Variants in PDE4D observed in about 807,000 individuals in gnomAD.
The protein encoded by PDE4D is phosphodiesterase 4D.
PDE4D carries 24 observed loss-of-function variants against 87.4 expected under a neutral mutation model. The ratio of observed to expected loss-of-function variants is 0.27; its 90% CI spans 0.20 to 0.39. PDE4D has a LOEUF of 0.39. Ranked by LOEUF, PDE4D falls within the 10% of genes least tolerant of loss-of-function variation. The probability of loss-of-function intolerance (pLI) is 1.00; values close to 1 mark genes in which losing one functional copy is unlikely to be tolerated. For synonymous variants in PDE4D, 384 were observed against 383.2 expected, an observed-to-expected ratio of 1.00 and a Z score of -0.02; for missense variants, 714 against 1,041.0, an observed-to-expected ratio of 0.69 and a Z score of 4.32.
intron 1 of PDE4D, among the ~76,000 whole-genome samples, chr5:59,589,283 T>C (rs1167849562): frequency 6.6e-6 from 1 of 152,206 alleles, no homozygotes; most frequent in Non-Finnish European, 1.5e-5. Flanking sequence ...TAAAATATTA[T>C]TGTTATATGT....
intron 2 of PDE4D, among the ~76,000 whole-genome samples, chr5:60,162,410 C>T (rs1782539357): frequency 6.6e-6 from 1 of 152,180 alleles, no homozygotes; most frequent in South Asian, 2.1e-4. Context: ...CTCTAAGGAC[C>T]TATTTAAAAC....
intron 1 of PDE4D, among the ~76,000 whole-genome samples, chr5:60,461,052 T>C (rs983747800): frequency 6.6e-6 from 1 of 152,182 alleles, no homozygotes; most frequent in African/African-American, 2.4e-5. Flanking sequence ...TAATTTATTA[T>C]ATAATAGTTA....
intron 1 of PDE4D, among the ~76,000 whole-genome samples, chr5:59,783,360 A>C (rs1764813992): frequency 6.6e-6 from 1 of 152,212 alleles, no homozygotes; most frequent in Non-Finnish European, 1.5e-5. Flanking sequence ...GAGCCATCCC[A>C]GGTTGAGGTG....
intron 1 of PDE4D, among the ~76,000 whole-genome samples, chr5:59,605,507 C>A (rs1828081588): frequency 6.6e-6 from 1 of 152,046 alleles, no homozygotes; most frequent in Non-Finnish European, 1.5e-5. Context: ...TGCTTTGCTG[C>A]CAGACTTTCT....
At chr5:59,605,351 T>G (rs1828050886) in intron 1 of PDE4D, among the ~76,000 whole-genome samples, 2 of 152,118 alleles carry the variant, frequency 1.3e-5, no homozygotes. Flanking sequence ...ATTTCTTATT[T>G]GTATTTCAGA....
intron 2 of PDE4D, among the ~76,000 whole-genome samples, chr5:60,171,375 C>A (rs982172485): frequency 1.3e-5 from 2 of 151,926 alleles, no homozygotes; most frequent in Non-Finnish European, 2.9e-5. Flanking sequence ...GGCTGTTGTG[C>A]GTTTTCAGAA....
chr5:60,075,628 C>T (rs115728321), intron 2 of PDE4D, among the ~76,000 whole-genome samples: 1,990 of 152,284 alleles, frequency 0.013, 38 homozygotes, highest in African/African-American at 0.046. Flanking sequence ...TTCTCTCCAT[C>T]TCTTTCAGGG....
At chr5:60,026,627 C>T (rs994507257) in intron 2 of PDE4D, among the ~76,000 whole-genome samples, 9 of 152,252 alleles carry the variant, frequency 5.9e-5, no homozygotes, top group African/African-American at 1.9e-4. Context: ...TTGCTCATCA[C>T]TTTCAACACC....
At chr5:59,108,360 A>G (rs1771982505) in intron 5 of PDE4D, among the ~76,000 whole-genome samples, 1 of 152,188 alleles carries the variant, frequency 6.6e-6, no homozygotes, top group Admixed American at 6.5e-5. Flanking sequence ...ATAAAAGTAA[A>G]TAACCATCAA....
intron 1 of PDE4D, among the ~76,000 whole-genome samples, chr5:59,664,929 CA>C (rs1295723876): frequency 1.3e-5 from 2 of 152,090 alleles, no homozygotes; most frequent in Non-Finnish European, 2.9e-5. Flanking sequence ...CATCTATCTC[CA>C]AAAAGAATGT....
At chr5:60,265,001 T>C (rs73759031) in intron 1 of PDE4D, among the ~76,000 whole-genome samples, 5,772 of 152,290 alleles carry the variant, frequency 0.038, 130 homozygotes, top group South Asian at 0.096. Context: ...CTTTGTAGTG[T>C]ATTACACGAG....
chr5:59,024,200 C>CTTTTTTT (rs566593585), intron 6 of PDE4D, among the ~76,000 whole-genome samples: 2 of 114,858 alleles, frequency 1.7e-5, no homozygotes. Context: ...CTGAATTCTA[C>CTTTTTTT]TTTTTTTTTT....
intron 1 of PDE4D, among the ~76,000 whole-genome samples, chr5:59,469,803 T>C (rs1330593026): frequency 6.6e-6 from 1 of 152,160 alleles, no homozygotes; most frequent in Non-Finnish European, 1.5e-5. Context: ...CACGTGCTGA[T>C]AGCAGCAGCT....
chr5:60,434,284 G>C (rs1304435464), intron 1 of PDE4D, among the ~76,000 whole-genome samples: 1 of 152,150 alleles, frequency 6.6e-6, no homozygotes, highest in Non-Finnish European at 1.5e-5. Context: ...ATTCGGCACT[G>C]TAAGAAATCT....
At chr5:59,804,154 T>C (rs1354574227) in intron 1 of PDE4D, among the ~76,000 whole-genome samples, 4 of 152,196 alleles carry the variant, frequency 2.6e-5, no homozygotes, top group Non-Finnish European at 4.4e-5. Flanking sequence ...GTACCCAATA[T>C]GTAGTCTTTT....
At chr5:59,004,195 AT>A (rs1455660034) in intron 6 of PDE4D, among the ~76,000 whole-genome samples, 1 of 152,188 alleles carries the variant, frequency 6.6e-6, no homozygotes, top group African/African-American at 2.4e-5. Context: ...AGTAATTTCT[AT>A]CAAATACTAC....
intron 1 of PDE4D, among the ~76,000 whole-genome samples, chr5:59,848,445 T>C (rs1187717316): frequency 6.6e-6 from 1 of 152,082 alleles, no homozygotes; most frequent in East Asian, 1.9e-4. Flanking sequence ...TACACACACA[T>C]ATATTAGGAC....
intron 1 of PDE4D, among the ~76,000 whole-genome samples, chr5:60,409,796 G>A (rs1223438441): frequency 6.6e-6 from 1 of 152,202 alleles, no homozygotes; most frequent in Non-Finnish European, 1.5e-5. Flanking sequence ...TTGGCTCAAA[G>A]AGTTCTTCCA....
At chr5:60,051,455 T>C (rs1172023861) in intron 2 of PDE4D, among the ~76,000 whole-genome samples, 1 of 152,016 alleles carries the variant, frequency 6.6e-6, no homozygotes, top group African/African-American at 2.4e-5. Context: ...AATAATGAAA[T>C]TAAGGTAGAA....
Sources: gnomAD v4.1 joint callset for allele counts (sites outside exome capture counted in the v4.1 genomes callset) on GRCh38, gnomAD v4.1.1 for gene constraint, MANE v1.5 for transcripts, NCBI Gene and HGNC (gene_info 2026-07-23, HGNC 2026-07-21) for gene names.